SOS2: variants seen among roughly 807,000 people sequenced by gnomAD.
The protein encoded by SOS2 is SOS Ras/Rho guanine nucleotide exchange factor 2.
In SOS2, 65 loss-of-function variants were observed where a neutral mutation model predicts 148.2. The observed-to-expected ratio is 0.44, with a 90% confidence interval of 0.36 to 0.54. SOS2 has a LOEUF of 0.54. SOS2 is among the 20% of genes least tolerant of loss of function. The probability of loss-of-function intolerance (pLI) is 0.00; values close to 1 mark genes in which losing one functional copy is unlikely to be tolerated. For missense variants in SOS2, 1,341 were observed against 1,590.2 expected, an observed-to-expected ratio of 0.84 and a Z score of 2.67; for synonymous variants, 539 against 537.1, an observed-to-expected ratio of 1.00 and a Z score of -0.05.
rs551027883 is a variant in SOS2 at position 50,178,299 on chromosome 14, C to T, written c.969+2273G>A. On this transcript the variant is annotated intron_variant, in intron 7 of 22. Coordinates refer to ENST00000216373, the MANE Select transcript of SOS2 (RefSeq NM_006939.4). ...TTTAAAAGTGTGTGGCACCTCCCTG[C>T]TCCTTCCTCTTGCTTTGACCATGTG... 1.7e-3 allele frequency among the ~76,000 whole-genome samples: 254 copies of T among 152,246 alleles called. 12 individuals carry two copies. In the South Asian group the frequency reaches 0.051, roughly 31 times the overall value.
intron 21 of SOS2, among the ~76,000 whole-genome samples, chr14:50,129,367 T>C (rs1288197923): frequency 6.6e-6 from 1 of 152,094 alleles, no homozygotes; most frequent in Admixed American, 6.6e-5. Context: ...TTAGATGGTG[T>C]TTTTTTGTTT....
chr14:50,175,954 A>G (rs949204979), intron 7 of SOS2, among the ~76,000 whole-genome samples: 6 of 152,238 alleles, frequency 3.9e-5, no homozygotes, highest in African/African-American at 1.4e-4. Flanking sequence ...CAATTTTCCT[A>G]AAGATTAATT....
chr14:50,132,506 C>T (rs989494583), intron 19 of SOS2, among the ~76,000 whole-genome samples: 4 of 151,350 alleles, frequency 2.6e-5, no homozygotes, highest in Non-Finnish European at 4.4e-5. Flanking sequence ...ATTAAAAATA[C>T]AAAAATTAGC....
At chr14:50,202,044 C>A (rs1031768109) in intron 2 of SOS2, among the ~76,000 whole-genome samples, 2 of 152,180 alleles carry the variant, frequency 1.3e-5, no homozygotes, top group African/African-American at 4.8e-5. Flanking sequence ...CTCACTGCAA[C>A]CTCCACTTCC....
At chr14:50,231,105 G>T (rs1243643677) in intron 1 of SOS2, 92 bp downstream of exon 1, 1 of 734,378 alleles carries the variant, frequency 1.4e-6, no homozygotes, top group South Asian at 5.3e-5. Flanking sequence ...CGGCCCCGGG[G>T]ACTCGAGCCC....
At position 50,170,352 on chromosome 14, in the gene SOS2, G is replaced by C. The variant is rs191888190; in HGVS notation, c.1068+4102C>G. The stretch of plus-strand genomic sequence containing the variant: ...AGGAAAAGAAAAAAAATCACTTCTT[G>C]ATTTATAAGTAACTTTATAACATAA... On this transcript the variant is annotated intron_variant, in intron 8 of 22. Coordinates refer to ENST00000216373, the MANE Select transcript of SOS2 (RefSeq NM_006939.4). 2.5e-4 allele frequency among the ~76,000 whole-genome samples: 38 copies of C among 151,998 alleles called. 1 individual carries two copies. Among genetic ancestry groups the C allele is most frequent in the Admixed American group, 2.4e-3 (36 of 15,256 alleles).
chr14:50,189,630 G>A (rs999299090), intron 4 of SOS2, among the ~76,000 whole-genome samples: 1 of 152,028 alleles, frequency 6.6e-6, no homozygotes, highest in African/African-American at 2.4e-5. Flanking sequence ...CTATGGTAGA[G>A]GCACACGATA....
intron 7 of SOS2, among the ~76,000 whole-genome samples, chr14:50,179,600 A>T (rs905671415): frequency 6.6e-6 from 1 of 151,904 alleles, no homozygotes; most frequent in African/African-American, 2.4e-5. Context: ...CCTGGGTCCA[A>T]GCAATCCTCT....
rs555132834 is a variant in SOS2, at chr14:50,118,879, T to A, written c.3490-26A>T. On this transcript the variant is annotated intron_variant, in intron 22 of 22. Transcript: ENST00000216373. The stretch of plus-strand genomic sequence containing the variant: ...CTCAAAAAAAAAAGTAATTAAATTA[T>A]ACCTCTATTCTGAAAAATTAAAAAA... 5.8e-6 allele frequency: 8 copies of A among 1,387,888 alleles called. No homozygotes were observed. In the Admixed American group the frequency reaches 2.0e-4, roughly 35 times the overall value. 86.0% of individuals were successfully genotyped at this position (1,387,888 alleles called of 1,614,324 possible). A position where few individuals can be genotyped will look rare whatever the true frequency, so the allele number is the denominator to read the frequency against.
intron 22 of SOS2, among the ~76,000 whole-genome samples, chr14:50,119,696 C>T (rs562886876): frequency 1.1e-4 from 16 of 151,478 alleles, no homozygotes; most frequent in African/African-American, 3.9e-4. Flanking sequence ...CCACCATGCC[C>T]GGCTAATTTT....
intron 18 of SOS2, among the ~76,000 whole-genome samples, chr14:50,135,748 A>C (rs941206208): frequency 6.7e-6 from 1 of 149,780 alleles, no homozygotes; most frequent in African/African-American, 2.4e-5. Flanking sequence ...TATTTTACAA[A>C]ATACAAATTT....
intron 1 of SOS2, among the ~76,000 whole-genome samples, chr14:50,229,936 T>G (rs192225387): frequency 1.3e-3 from 191 of 152,306 alleles, no homozygotes; most frequent in African/African-American, 4.3e-3. Flanking sequence ...TCTTTCCCTC[T>G]CCTTACAGAA....
chr14:50,186,400 C>T (rs1315998510), intron 5 of SOS2, among the ~76,000 whole-genome samples: 1 of 152,098 alleles, frequency 6.6e-6, no homozygotes, highest in Non-Finnish European at 1.5e-5. Context: ...GGTTTTTATT[C>T]TTCATACCAC....
chr14:50,196,867 C>G (rs1321019230), intron 4 of SOS2, among the ~76,000 whole-genome samples: 1 of 151,604 alleles, frequency 6.6e-6, no homozygotes, highest in Non-Finnish European at 1.5e-5. Flanking sequence ...TCTGGAACAA[C>G]CGGAACTTTT....
At chr14:50,215,496 AGCCTAGTC>A in intron 1 of SOS2, 1 of 1,236,246 alleles carries the variant, frequency 8.1e-7, no homozygotes, top group East Asian at 6.0e-5. Flanking sequence ...ATTTTTTGAA[AGCCTAGTC>A]AGAAAAAGAG....
At position 50,231,301 on chromosome 14, in the gene SOS2, C is replaced by T; in HGVS notation, c.-18G>A. The T allele has an allele frequency of 7.2e-7, 1 of 1,389,184 alleles. No homozygotes were observed. Among genetic ancestry groups the T allele is most frequent in the Non-Finnish European group, 9.5e-7 (1 of 1,048,972 alleles). 86.1% of individuals were successfully genotyped at this position (1,389,184 alleles called of 1,614,324 possible). A position where few individuals can be genotyped will look rare whatever the true frequency, so the allele number is the denominator to read the frequency against. On this transcript the variant is annotated 5_prime_UTR_variant, in exon 1 of 23. Coordinates refer to ENST00000216373, the MANE Select transcript of SOS2 (RefSeq NM_006939.4). ...TGCTGCATGGCCCCGGCGACAGCGC[C>T]TCCGCATCGGGGGCAGCCCGCGGGC... is the stretch of plus-strand genomic sequence containing the variant.
chr14:50,201,228 T>G (rs1396059619), intron 2 of SOS2, 144 bp from the exon 3 acceptor site: 4 of 809,786 alleles, frequency 4.9e-6, no homozygotes, highest in Non-Finnish European at 7.4e-6. Flanking sequence ...ATAAATAAAT[T>G]TTTTGGCTTA....
Position 50,159,835 on chromosome 14 carries a change from C to G in SOS2, c.1448G>C (p.Ser483Thr). 6.2e-7 allele frequency: 1 copy of G among 1,614,068 alleles called. No individual in the cohort carries two copies. The highest frequency in any genetic ancestry group is 8.5e-7 in the Non-Finnish European group (1 of 1,180,030). The change falls in exon 10 of 23, where the codon AGT (serine) becomes ACT (threonine). Residue 483 changes from serine to threonine, a missense_variant. Coordinates refer to ENST00000216373, the MANE Select transcript of SOS2 (RefSeq NM_006939.4). ...HGQTRLPGYS[S>T]AEYRLKEKFV... ...TTTTTCTTTTAACCTGTATTCTGCACTACTGTAACCTGGAAGCCGAGTCTG... is the reference window on the plus strand; with the variant it reads ...TTTTTCTTTTAACCTGTATTCTGCAGTACTGTAACCTGGAAGCCGAGTCTG...
At chr14:50,229,803 GCCTA>G (rs995408504) in intron 1 of SOS2, among the ~76,000 whole-genome samples, 5 of 152,140 alleles carry the variant, frequency 3.3e-5, no homozygotes, top group African/African-American at 1.2e-4. Context: ...AACAATATAG[GCCTA>G]CCTGATTACT....
Sources: gnomAD v4.1 joint callset for allele counts (sites outside exome capture counted in the v4.1 genomes callset) on GRCh38, gnomAD v4.1.1 for gene constraint, MANE v1.5 for transcripts, NCBI Gene and HGNC (gene_info 2026-07-23, HGNC 2026-07-21) for gene names.